IL1RAPL2: variants seen among roughly 807,000 people sequenced by gnomAD.
IL1RAPL2 encodes X-linked interleukin-1 receptor accessory protein-like 2.
Under a neutral mutation model 44.1 loss-of-function variants are expected in IL1RAPL2, and 3 were observed. The observed-to-expected ratio is 0.07, with a 90% CI of 0.03 to 0.18. The LOEUF (loss-of-function observed/expected upper bound fraction) is 0.18, where lower values mean the gene tolerates loss of function less well. IL1RAPL2 is among the 10% of genes least tolerant of loss of function. IL1RAPL2 has a pLI of 1.00. For synonymous variants in IL1RAPL2, 181 were observed against 178.8 expected, an observed-to-expected ratio of 1.01 and a Z score of -0.10; for missense variants, 391 against 496.4, an observed-to-expected ratio of 0.79 and a Z score of 2.02.
intron 2 of IL1RAPL2, among the ~76,000 whole-genome samples, chrX:104,948,049 G>A: frequency 9.1e-6 from 1 of 110,407 alleles, no homozygotes; most frequent in East Asian, 2.9e-4. Flanking sequence ...CTACCCATGA[G>A]CATGGAATAT....
At chrX:105,353,943 G>A (rs1602372580) in intron 5 of IL1RAPL2, among the ~76,000 whole-genome samples, 1 of 110,634 alleles carries the variant, frequency 9.0e-6, no homozygotes, top group East Asian at 2.9e-4. Flanking sequence ...CTGCCTGATT[G>A]CCCTGGCCAG....
intron 5 of IL1RAPL2, among the ~76,000 whole-genome samples, chrX:105,468,532 C>T (rs1006805246): frequency 2.7e-5 from 3 of 111,928 alleles, no homozygotes; most frequent in Non-Finnish European, 3.8e-5. Flanking sequence ...TGATGTTACT[C>T]TCTTAAATTT....
intron 2 of IL1RAPL2, among the ~76,000 whole-genome samples, chrX:105,121,710 T>C (rs1279476266): frequency 9.0e-6 from 1 of 111,566 alleles, no homozygotes; most frequent in East Asian, 2.8e-4. Context: ...AAACAGTGAT[T>C]AAGAATAGCA....
chrX:104,806,412 G>A (rs1037640140), intron 2 of IL1RAPL2, among the ~76,000 whole-genome samples: 1 of 112,446 alleles, frequency 8.9e-6, no homozygotes, highest in African/African-American at 3.2e-5. Context: ...TGCACTGGCT[G>A]CTATTAGGTC....
intron 2 of IL1RAPL2, among the ~76,000 whole-genome samples, chrX:104,976,137 A>G (rs766209307): frequency 1.8e-5 from 2 of 111,450 alleles, no homozygotes; most frequent in African/African-American, 6.5e-5. Flanking sequence ...TCTAATTTGT[A>G]TTGAACCCAA....
intron 6 of IL1RAPL2, among the ~76,000 whole-genome samples, chrX:105,655,146 CA>C (rs779654207): frequency 3.2e-4 from 36 of 112,555 alleles, no homozygotes; most frequent in African/African-American, 1.2e-3. Flanking sequence ...GTAAGCCTAA[CA>C]TAAGTGATAT....
intron 5 of IL1RAPL2, among the ~76,000 whole-genome samples, chrX:105,372,806 A>C (rs1490439295): frequency 8.9e-6 from 1 of 111,873 alleles, no homozygotes; most frequent in Non-Finnish European, 1.9e-5. Flanking sequence ...GTAAAGCATG[A>C]TTTCATTCTT....
intron 5 of IL1RAPL2, among the ~76,000 whole-genome samples, chrX:105,370,211 T>C (rs2035326798): frequency 8.9e-6 from 1 of 111,862 alleles, no homozygotes; most frequent in Non-Finnish European, 1.9e-5. Flanking sequence ...AAGAGATAAA[T>C]ATTTATTTTA....
intron 6 of IL1RAPL2, among the ~76,000 whole-genome samples, chrX:105,639,371 C>T (rs2037547810): frequency 9.0e-6 from 1 of 111,479 alleles, no homozygotes; most frequent in Admixed American, 9.6e-5. Context: ...ATTTTCTGTA[C>T]AGAGCCAAGC....
chrX:105,698,442 T>C (rs1261797973), intron 6 of IL1RAPL2, among the ~76,000 whole-genome samples: 1 of 112,105 alleles, frequency 8.9e-6, no homozygotes, highest in Non-Finnish European at 1.9e-5. Context: ...ATTTTAGGGC[T>C]TTAGTTAAGT....
intron 2 of IL1RAPL2, among the ~76,000 whole-genome samples, chrX:104,687,736 C>T (rs182806211): frequency 9.0e-6 from 1 of 111,089 alleles, no homozygotes; most frequent in African/African-American, 3.3e-5. Flanking sequence ...ATAACCCATA[C>T]TACCTAATCT....
intron 2 of IL1RAPL2, among the ~76,000 whole-genome samples, chrX:104,965,569 A>G (rs1275564471): frequency 9.0e-6 from 1 of 111,536 alleles, no homozygotes; most frequent in African/African-American, 3.3e-5. Flanking sequence ...TCACAATCCA[A>G]AGTTATAAAA....
chrX:105,110,890 T>C (rs1242080576), intron 2 of IL1RAPL2, among the ~76,000 whole-genome samples: 2 of 111,550 alleles, frequency 1.8e-5, no homozygotes, highest in Non-Finnish European at 3.8e-5. Context: ...TGAGCCAAGA[T>C]TGTGCCACTG....
intron 2 of IL1RAPL2, among the ~76,000 whole-genome samples, chrX:105,005,358 A>G (rs1367103831): frequency 9.0e-6 from 1 of 111,408 alleles, no homozygotes; most frequent in Non-Finnish European, 1.9e-5. Context: ...TTGATTGCCT[A>G]TAAACATAGA....
chrX:105,750,107 G>A (rs1434150302), intron 9 of IL1RAPL2, among the ~76,000 whole-genome samples: 2 of 110,658 alleles, frequency 1.8e-5, no homozygotes, highest in African/African-American at 6.6e-5. Flanking sequence ...AGTGATAGAT[G>A]TAATGTCAAA....
chrX:104,922,416 C>G (rs1183855639), intron 2 of IL1RAPL2, among the ~76,000 whole-genome samples: 1 of 112,677 alleles, frequency 8.9e-6, no homozygotes, highest in African/African-American at 3.2e-5. Flanking sequence ...CTGAAAGAAG[C>G]ACACAGTGCT....
At position 104,578,911 on chromosome X, in the gene IL1RAPL2, TAATG is replaced by T. The variant is rs771537731; in HGVS notation, c.-20+11861_-20+11864del. 6.7e-4 allele frequency among the ~76,000 whole-genome samples: 75 copies of T among 111,746 alleles called. 2 individuals carry two copies. The highest frequency in any genetic ancestry group is 2.4e-3 in the African/African-American group (73 of 30,829). On this transcript the variant is annotated intron_variant, in intron 1 of 10. Coordinates refer to ENST00000372582, the MANE Select transcript of IL1RAPL2 (RefSeq NM_017416.2). ...TTGGCTCACAACTTAATATTCATAA[TAATG>T]TAAAATTATCACATAGCTATATTTG...
chrX:105,726,063 T>A (rs2038348713), intron 7 of IL1RAPL2, among the ~76,000 whole-genome samples: 2 of 111,431 alleles, frequency 1.8e-5, no homozygotes, highest in African/African-American at 6.5e-5. Flanking sequence ...ATGTTTGTTG[T>A]TTCTCTTCAT....
At chrX:105,315,375 CTT>C (rs543025544) in intron 5 of IL1RAPL2, among the ~76,000 whole-genome samples, 1 of 104,823 alleles carries the variant, frequency 9.5e-6, no homozygotes, top group Non-Finnish European at 2.0e-5. Flanking sequence ...TATTTATTAC[CTT>C]TTTTTAAAAA....
Sources: allele counts gnomAD v4.1 joint callset (sites outside exome capture counted in the v4.1 genomes callset), GRCh38; gene constraint gnomAD v4.1.1; transcripts MANE v1.5; gene names NCBI Gene and HGNC (gene_info 2026-07-23, HGNC 2026-07-21).